SPOCK1: variants seen among roughly 807,000 people sequenced by gnomAD.
The protein encoded by SPOCK1 is testican-1.
A neutral mutation model predicts 55.3 loss-of-function variants in SPOCK1; 23 were observed. The ratio of observed to expected loss-of-function variants is 0.42; its 90% CI spans 0.30 to 0.59. SPOCK1 has a LOEUF of 0.59. Among genes scored for constraint, SPOCK1 ranks in the 20% least tolerant of loss-of-function variants. The pLI is 0.22. For missense variants in SPOCK1, 499 were observed against 552.5 expected, an observed-to-expected ratio of 0.90 and a Z score of 0.97; for synonymous variants, 226 against 221.0, an observed-to-expected ratio of 1.02 and a Z score of -0.20.
intron 2 of SPOCK1, among the ~76,000 whole-genome samples, chr5:137,497,234 T>C (rs925993566): frequency 6.6e-6 from 1 of 152,184 alleles, no homozygotes; most frequent in African/African-American, 2.4e-5. Context: ...CCCGGGGACA[T>C]TAACAAAGGG....
intron 2 of SPOCK1, among the ~76,000 whole-genome samples, chr5:137,433,444 A>G (rs1176155614): frequency 2.0e-5 from 3 of 152,220 alleles, no homozygotes; most frequent in African/African-American, 7.2e-5. Flanking sequence ...AGCACACATC[A>G]AGTTGTCAAA....
At chr5:137,433,867 A>G (rs536698809) in intron 2 of SPOCK1, among the ~76,000 whole-genome samples, 20 of 139,404 alleles carry the variant, frequency 1.4e-4, no homozygotes, top group Non-Finnish European at 2.4e-4. Flanking sequence ...AATTGAGGGG[A>G]AAAAAATGGA....
At chr5:137,203,436 T>A (rs758330137) in intron 3 of SPOCK1, among the ~76,000 whole-genome samples, 5 of 152,080 alleles carry the variant, frequency 3.3e-5, no homozygotes, top group Non-Finnish European at 7.4e-5. Flanking sequence ...ATGTCACTCA[T>A]CTCATGAAGT....
intron 2 of SPOCK1, among the ~76,000 whole-genome samples, chr5:137,389,240 G>T (rs1561522669): frequency 6.6e-6 from 1 of 152,200 alleles, no homozygotes; most frequent in Non-Finnish European, 1.5e-5. Flanking sequence ...AGCTTTCTAG[G>T]CTTCCAAGAA....
intron 2 of SPOCK1, among the ~76,000 whole-genome samples, chr5:137,388,299 C>T (rs1189279667): frequency 3.3e-5 from 5 of 150,826 alleles, no homozygotes; most frequent in African/African-American, 4.9e-5. Context: ...TATATAAGCA[C>T]ATGGCAGACC....
chr5:137,141,660 CATTA>C (rs1754101707), intron 3 of SPOCK1, among the ~76,000 whole-genome samples: 2 of 152,120 alleles, frequency 1.3e-5, no homozygotes, highest in South Asian at 4.1e-4. Context: ...ATTGGTGAAG[CATTA>C]ATATGTGAAT....
intron 6 of SPOCK1, among the ~76,000 whole-genome samples, chr5:137,050,595 C>A (rs138326217): frequency 6.6e-6 from 1 of 151,782 alleles, no homozygotes; most frequent in African/African-American, 2.4e-5. Flanking sequence ...AGAAATCACC[C>A]GTCTTCTGCG....
At chr5:137,177,976 C>CTCAAGG (rs1440952231) in intron 3 of SPOCK1, among the ~76,000 whole-genome samples, 1 of 152,098 alleles carries the variant, frequency 6.6e-6, no homozygotes, top group Non-Finnish European at 1.5e-5. Context: ...CCTCAAGGAC[C>CTCAAGG]ACATGTTGAG....
chr5:137,401,482 G>A (rs1751975948), intron 2 of SPOCK1, among the ~76,000 whole-genome samples: 1 of 149,558 alleles, frequency 6.7e-6, no homozygotes, highest in South Asian at 2.1e-4. Flanking sequence ...AGCACTTTGG[G>A]AGGTTGAAGC....
At chr5:137,231,366 C>A (rs1756060169) in intron 3 of SPOCK1, among the ~76,000 whole-genome samples, 1 of 152,126 alleles carries the variant, frequency 6.6e-6, no homozygotes, top group Non-Finnish European at 1.5e-5. Flanking sequence ...CTTTTATAAC[C>A]CACCCACCTT....
chr5:136,984,714 T>TAAATTCTGA (rs1750805806), intron 9 of SPOCK1, among the ~76,000 whole-genome samples: 2 of 152,332 alleles, frequency 1.3e-5, no homozygotes, highest in South Asian at 4.1e-4. Context: ...CCCTGTTTGA[T>TAAATTCTGA]AAATTCTGAA....
chr5:137,261,040 G>A (rs535154386), intron 3 of SPOCK1, among the ~76,000 whole-genome samples: 267 of 152,282 alleles, frequency 1.8e-3, no homozygotes, highest in African/African-American at 6.2e-3. Context: ...AAAGTATTAA[G>A]ATGCTTCCCA....
At chr5:137,033,456 G>T (rs1444076710) in intron 6 of SPOCK1, among the ~76,000 whole-genome samples, 1 of 152,162 alleles carries the variant, frequency 6.6e-6, no homozygotes, top group Non-Finnish European at 1.5e-5. Context: ...CCAAGGAAAT[G>T]CAGGGCTGTT....
rs1750598732 is a variant in SPOCK1, at chr5:136,975,705, C to G, written c.*2949G>C. The G allele has an allele frequency of 6.6e-6, 1 of 152,292 alleles. No individual in the cohort carries two copies. Among genetic ancestry groups the G allele is most frequent in the East Asian group, 1.9e-4 (1 of 5,176 alleles). The allele number at this position is 152,292 out of a possible 1,614,324, so 9.4% of individuals were successfully genotyped here. A position where few individuals can be genotyped will look rare whatever the true frequency, so the allele number is the denominator to read the frequency against. The stretch of plus-strand genomic sequence containing the variant: ...TGGACAGACACGTTGTCATTTGCTG[C>G]TGTGGGTAGGAAAATGGGCGTAAAG... On this transcript the variant is annotated 3_prime_UTR_variant, in exon 11 of 11. Coordinates refer to ENST00000394945, the MANE Select transcript of SPOCK1 (RefSeq NM_004598.4).
intron 4 of SPOCK1, among the ~76,000 whole-genome samples, chr5:137,116,979 C>A (rs1178962931): frequency 6.6e-6 from 1 of 152,198 alleles, no homozygotes; most frequent in Non-Finnish European, 1.5e-5. Context: ...GCTGCACTCC[C>A]ACTCCACCAT....
chr5:137,270,359 A>T (rs544731502), intron 2 of SPOCK1, among the ~76,000 whole-genome samples: 2 of 152,360 alleles, frequency 1.3e-5, no homozygotes, highest in East Asian at 3.9e-4. Flanking sequence ...GCATATCTAA[A>T]TATAGTCATT....
At chr5:137,169,605 TA>T (rs1754710158) in intron 3 of SPOCK1, among the ~76,000 whole-genome samples, 1 of 152,162 alleles carries the variant, frequency 6.6e-6, no homozygotes, top group South Asian at 2.1e-4. Context: ...ACAAGTTAAT[TA>T]ACTGTGCCAA....
chr5:137,294,667 G>A (rs540497842), intron 2 of SPOCK1, among the ~76,000 whole-genome samples: 44 of 152,298 alleles, frequency 2.9e-4, no homozygotes, highest in African/African-American at 9.4e-4. Context: ...GCATCCCACA[G>A]AGAAGGGAAG....
At chr5:137,234,060 A>G (rs1477798678) in intron 3 of SPOCK1, among the ~76,000 whole-genome samples, 1 of 152,176 alleles carries the variant, frequency 6.6e-6, no homozygotes, top group South Asian at 2.1e-4. Flanking sequence ...ATGAGAAGAC[A>G]TCCTGAGTGC....
Sources: allele counts gnomAD v4.1 joint callset (sites outside exome capture counted in the v4.1 genomes callset), GRCh38; gene constraint gnomAD v4.1.1; transcripts MANE v1.5; gene names NCBI Gene and HGNC (gene_info 2026-07-23, HGNC 2026-07-21).